The following PTPRD variants were observed in gnomAD, a reference collection of about 807,000 sequenced individuals.
PTPRD encodes receptor-type tyrosine-protein phosphatase delta.
Under a neutral mutation model 214.5 loss-of-function variants are expected in PTPRD, and 34 were observed. The ratio of observed to expected loss-of-function variants is 0.16; its 90% CI spans 0.12 to 0.21. The LOEUF is 0.21. Among genes scored for constraint, PTPRD ranks in the 10% least tolerant of loss-of-function variants. The pLI is 1.00. For missense variants in PTPRD, 2,545 were observed against 2,398.7 expected (o/e 1.06, Z -1.27); for synonymous variants, 1,128 against 845.7 (o/e 1.33, Z -5.79).
In PTPRD at chr9:9,999,009, T is replaced by C. The variant is rs575134820; in HGVS notation, c.-472+34709A>G. Among the ~76,000 whole-genome samples the C allele has an allele frequency of 5.9e-5, 9 of 152,100 alleles. No individual in the cohort carries two copies. In the South Asian group the frequency reaches 1.2e-3, roughly 21 times the overall value. ...GGACATCGAAAGGAAACAGATGAGG[T>C]AGCCAAAGGAAATAGATTAGCTAAT... On this transcript the variant is annotated intron_variant, in intron 4 of 45. Transcript: ENST00000381196.
intron 3 of PTPRD, among the ~76,000 whole-genome samples, chr9:10,055,309 G>T (rs1453091304): frequency 6.6e-6 from 1 of 152,060 alleles, no homozygotes; most frequent in African/African-American, 2.4e-5. Context: ...TGTATTTAAA[G>T]TAATGGAGTT....
At chr9:10,288,622 T>G (rs955003082) in intron 3 of PTPRD, among the ~76,000 whole-genome samples, 1 of 152,166 alleles carries the variant, frequency 6.6e-6, no homozygotes, top group African/African-American at 2.4e-5. Flanking sequence ...GAGAATTTGC[T>G]TAAGACATGC....
intron 11 of PTPRD, among the ~76,000 whole-genome samples, chr9:8,917,238 C>T (rs1259056083): frequency 2.7e-5 from 4 of 150,878 alleles, no homozygotes; most frequent in Non-Finnish European, 4.4e-5. Context: ...AAGTGATTCT[C>T]CTGCCTCAGC....
At chr9:9,236,978 T>G (rs2099967194) in intron 9 of PTPRD, among the ~76,000 whole-genome samples, 1 of 152,218 alleles carries the variant, frequency 6.6e-6, no homozygotes, top group Admixed American at 6.5e-5. Context: ...CTCAAAAGGC[T>G]TATTAGTTTT....
At chr9:9,947,482 T>TTA (rs2092838128) in intron 4 of PTPRD, among the ~76,000 whole-genome samples, 3 of 23,998 alleles carry the variant, frequency 1.3e-4, no homozygotes, top group African/African-American at 9.5e-4. Context: ...TATATATATT[T>TTA]TATATATATT....
intron 2 of PTPRD, among the ~76,000 whole-genome samples, chr9:10,501,325 C>T (rs2043643347): frequency 6.6e-6 from 1 of 151,816 alleles, no homozygotes; most frequent in South Asian, 2.1e-4. Context: ...ATCTGTTTGC[C>T]ATTTGTATTT....
At chr9:8,736,435 T>A (rs1405258205) in intron 11 of PTPRD, among the ~76,000 whole-genome samples, 8 of 152,198 alleles carry the variant, frequency 5.3e-5, no homozygotes, top group Non-Finnish European at 1.2e-4. Context: ...TTTTTAAAAC[T>A]GAAATATTTG....
chr9:10,450,529 G>A (rs780401770), intron 2 of PTPRD, among the ~76,000 whole-genome samples: 2 of 152,004 alleles, frequency 1.3e-5, no homozygotes, highest in Non-Finnish European at 2.9e-5. Flanking sequence ...TCCCTAATCT[G>A]TAGTTTATAT....
intron 2 of PTPRD, among the ~76,000 whole-genome samples, chr9:10,488,735 C>T (rs545652937): frequency 3.4e-4 from 52 of 152,292 alleles, no homozygotes; most frequent in Non-Finnish European, 6.6e-4. Context: ...CAACGGCCAC[C>T]GCCACCACAG....
At chr9:10,148,435 A>G (rs2099038757) in intron 3 of PTPRD, among the ~76,000 whole-genome samples, 1 of 152,202 alleles carries the variant, frequency 6.6e-6, no homozygotes, top group South Asian at 2.1e-4. Flanking sequence ...GTACAATGAA[A>G]GAAATAGAAC....
chr9:9,243,474 G>C (rs1594396583), intron 9 of PTPRD, among the ~76,000 whole-genome samples: 1 of 152,242 alleles, frequency 6.6e-6, no homozygotes. Flanking sequence ...TCGGATGCAA[G>C]GCTGGTTCAA....
intron 3 of PTPRD, among the ~76,000 whole-genome samples, chr9:10,335,006 G>C (rs983348130): frequency 6.6e-6 from 1 of 151,608 alleles, no homozygotes; most frequent in African/African-American, 2.4e-5. Context: ...CAACATAACA[G>C]TTCTTCCCAA....
At chr9:9,164,135 T>C (rs2099896549) in intron 10 of PTPRD, among the ~76,000 whole-genome samples, 1 of 152,152 alleles carries the variant, frequency 6.6e-6, no homozygotes, top group South Asian at 2.1e-4. Flanking sequence ...ACAGCACAAA[T>C]TTATTATACT....
At chr9:8,939,809 C>T (rs796560610) in intron 11 of PTPRD, among the ~76,000 whole-genome samples, 10 of 152,168 alleles carry the variant, frequency 6.6e-5, no homozygotes, top group African/African-American at 2.4e-4. Context: ...GATGATAATA[C>T]AGACATGGAT....
intron 12 of PTPRD, among the ~76,000 whole-genome samples, chr9:8,666,870 G>C (rs150808124): frequency 1.6e-3 from 238 of 152,222 alleles, no homozygotes; most frequent in Non-Finnish European, 2.5e-3. Flanking sequence ...TTCTCAAACT[G>C]ATGTACGACT....
At chr9:9,631,092 G>A (rs1470845529) in intron 7 of PTPRD, among the ~76,000 whole-genome samples, 1 of 151,988 alleles carries the variant, frequency 6.6e-6, no homozygotes, top group Non-Finnish European at 1.5e-5. Flanking sequence ...CAGAGCATTT[G>A]TAATCACATA....
intron 7 of PTPRD, among the ~76,000 whole-genome samples, chr9:9,608,934 C>T (rs1018896225): frequency 1.5e-4 from 23 of 152,168 alleles, no homozygotes; most frequent in African/African-American, 5.5e-4. Flanking sequence ...GGGAAAAATA[C>T]TACTTCCCTT....
intron 9 of PTPRD, among the ~76,000 whole-genome samples, chr9:9,298,792 C>A (rs1954115484): frequency 1.3e-5 from 2 of 151,732 alleles, no homozygotes; most frequent in Non-Finnish European, 3.0e-5. Flanking sequence ...GAAGTCAAAC[C>A]ATTAGCTGTT....
intron 11 of PTPRD, among the ~76,000 whole-genome samples, chr9:8,966,783 G>A (rs1212211704): frequency 6.6e-6 from 1 of 152,010 alleles, no homozygotes; most frequent in East Asian, 1.9e-4. Flanking sequence ...AAGAGCTTAT[G>A]CACAGCAAAA....
Sources: gnomAD v4.1 joint callset for allele counts (sites outside exome capture counted in the v4.1 genomes callset) on GRCh38, gnomAD v4.1.1 for gene constraint, MANE v1.5 for transcripts, NCBI Gene and HGNC (gene_info 2026-07-23, HGNC 2026-07-21) for gene names.